The following ZNF395 variants were observed in gnomAD, a reference collection of about 807,000 sequenced individuals.
ZNF395 encodes the protein HD gene regulatory region-binding protein 2.
A neutral mutation model predicts 57.7 loss-of-function variants in ZNF395; 20 were observed. That is an observed-to-expected ratio of 0.35 (90% CI 0.24 to 0.50). The LOEUF is 0.50. Among genes scored for constraint, ZNF395 ranks in the 20% least tolerant of loss-of-function variants. The pLI, the probability that ZNF395 is intolerant of heterozygous loss-of-function variation, is 0.97. For synonymous variants in ZNF395, 295 were observed against 275.9 expected (o/e 1.07, Z -0.69); for missense variants, 606 against 671.2 (o/e 0.90, Z 1.07).
At chr8:28,371,739 G>C (rs570120348) in intron 1 of ZNF395, among the ~76,000 whole-genome samples, 3 of 152,184 alleles carry the variant, frequency 2.0e-5, no homozygotes, top group South Asian at 2.1e-4. Context: ...TGCACAAACA[G>C]TCAGGGCTGC....
intron 1 of ZNF395, among the ~76,000 whole-genome samples, chr8:28,362,234 TC>T (rs1433032906): frequency 2.0e-5 from 3 of 152,128 alleles, no homozygotes; most frequent in Non-Finnish European, 4.4e-5. Context: ...TCGAAGTGGG[TC>T]CCTACCAGGG....
chr8:28,361,119 C>T lies in ZNF395; in HGVS notation c.6G>A (p.Ala2=), dbSNP rs762227243. 5.6e-6 allele frequency: 9 copies of T among 1,611,878 alleles called. No homozygotes were observed. Among genetic ancestry groups the T allele is most frequent in the African/African-American group, 4.0e-5 (3 of 74,930 alleles). ...TTCCAAGGCGTCGGGACAGGACACT[C>T]GCCATGCTGCTGCCTCTCCTCTCCT... The part of the protein sequence containing the change: M[A]SVLSRRLGKR... Residue 2 remains alanine (A), a synonymous_variant, in exon 2 of 10, where the codon GCG becomes GCA. Coordinates refer to ENST00000344423, the MANE Select transcript of ZNF395 (RefSeq NM_018660.3).
intron 1 of ZNF395, among the ~76,000 whole-genome samples, chr8:28,381,059 T>TGTGTC (rs1802103806): frequency 9.9e-6 from 1 of 100,768 alleles, no homozygotes; most frequent in Non-Finnish European, 2.4e-5. Flanking sequence ...GTGTGTGTGT[T>TGTGTC]TTGACGGAGT....
chr8:28,376,628 A>C (rs1314078290), intron 1 of ZNF395, among the ~76,000 whole-genome samples: 3 of 152,010 alleles, frequency 2.0e-5, no homozygotes, highest in African/African-American at 4.8e-5. Context: ...CTCAAAACAA[A>C]AAAAAAAGGC....
chr8:28,372,672 A>C (rs1236789726), intron 1 of ZNF395, among the ~76,000 whole-genome samples: 2 of 152,180 alleles, frequency 1.3e-5, no homozygotes, highest in Non-Finnish European at 2.9e-5. Flanking sequence ...CTGCAGTCCC[A>C]GCTACTCAGG....
chr8:28,351,647 C>T lies in ZNF395; in HGVS notation c.1081G>A (p.Gly361Ser), dbSNP rs1801685124. Reference sequence around the variant, plus strand: ...GGTGGAAGAGCAGACAGAGGCAGGCCAGTCATGCTGGGGGTGGGAGCTGGC... The same window carrying T: ...GGTGGAAGAGCAGACAGAGGCAGGCTAGTCATGCTGGGGGTGGGAGCTGGC... ...SEPAPTPSMT[G>S]LPLSALPPPL... The change falls in exon 7 of 10, where the codon GGC becomes AGC. Residue 361 changes from glycine (G) to serine (S), a missense_variant. Around this residue, in one of 3 missense-constraint regions of ZNF395, gnomAD observed 261 missense variants for 240.3 expected, o/e 1.09. Coordinates refer to ENST00000344423, the MANE Select transcript of ZNF395 (RefSeq NM_018660.3). 1 of 1,613,368 alleles carries T rather than the reference C, an allele frequency of 6.2e-7. No individual in the cohort carries two copies. The highest frequency in any genetic ancestry group is 8.5e-7 in the Non-Finnish European group (1 of 1,179,938).
At position 28,348,050 on chromosome 8, in the gene ZNF395, G is replaced by A. The variant is rs537754565; in HGVS notation, c.*669C>T. 1 of 152,244 alleles carries A rather than the reference G, an allele frequency of 6.6e-6. No homozygotes were observed. Among genetic ancestry groups the A allele is most frequent in the South Asian group, 2.1e-4 (1 of 4,810 alleles). 9.4% of individuals were successfully genotyped at this position (152,244 alleles called of 1,614,324 possible). ...TCTTTTAAAAAACCTCTTTCTCTGG[G>A]CTTTAAGAAGAAGCCATTTAATATT... is the stretch of plus-strand genomic sequence containing the variant. On this transcript the variant is annotated 3_prime_UTR_variant, in exon 10 of 10. Coordinates refer to ENST00000344423, the MANE Select transcript of ZNF395 (RefSeq NM_018660.3).
At chr8:28,349,899 G>A (rs1023983796) in intron 8 of ZNF395, among the ~76,000 whole-genome samples, 165 bp downstream of exon 8, 1 of 152,244 alleles carries the variant, frequency 6.6e-6, no homozygotes, top group African/African-American at 2.4e-5. Flanking sequence ...GTGCCAGGGA[G>A]GGGGCAGCAC....
In ZNF395 at chr8:28,348,784, C is replaced by T. The variant is rs770986859; in HGVS notation, c.1477G>A (p.Glu493Lys). 17 of 1,613,974 alleles carry T rather than the reference C, an allele frequency of 1.1e-5. No individual in the cohort carries two copies. Among genetic ancestry groups the T allele is most frequent in the East Asian group, 2.2e-5 (1 of 44,882 alleles). The change falls in exon 10 of 10, where the codon GAG (glutamate) becomes AAG (lysine). Residue 493 changes from glutamate to lysine, a missense_variant. Physicochemically the swap from Glu to Lys is moderately conservative, Grantham distance 56 (BLOSUM62 1). Transcript: ENST00000344423. Reference protein sequence around the residue: ...AKKCRKVYGIEHRDQWCTACR... With the variant: ...AKKCRKVYGIKHRDQWCTACR... ...GCCGTGCACCACTGGTCCCGGTGCT[C>T]GATGCCATACACCTTGCGGCACTTC...
In ZNF395 at chr8:28,353,201, A is replaced by C. The variant is rs1585852018; in HGVS notation, c.791T>G (p.Leu264Arg). The change falls in exon 5 of 10, where the codon CTG becomes CGG. Residue 264 changes from leucine to arginine, a missense_variant. By Grantham distance (102) the Leu-to-Arg change is moderately radical. Around this residue, in one of 3 missense-constraint regions of ZNF395, gnomAD observed 309 missense variants for 374.7 expected, o/e 0.82. Transcript: ENST00000344423. Reference sequence around the variant, plus strand: ...TCTTTTTCGTGGAGCTGGTTCGTCCAGCAGGAAAGGGTCAGGATCGGTCTC... The same window carrying C: ...TCTTTTTCGTGGAGCTGGTTCGTCCCGCAGGAAAGGGTCAGGATCGGTCTC... ...GFETDPDPFLLDEPAPRKRKN... is the reference protein window; with the variant it reads ...GFETDPDPFLRDEPAPRKRKN... The C allele has an allele frequency of 6.2e-7, 1 of 1,613,234 alleles. No individual in the cohort carries two copies. The highest frequency in any genetic ancestry group is 8.5e-7 in the Non-Finnish European group (1 of 1,179,720).
chr8:28,377,748 CTTTTTT>C (rs71549661), intron 1 of ZNF395, among the ~76,000 whole-genome samples: 62 of 100,636 alleles, frequency 6.2e-4, no homozygotes, highest in African/African-American at 2.7e-3. Context: ...GATGATCCCA[CTTTTTT>C]TTTTTTTTTT....
chr8:28,382,615 G>C (rs529698286), intron 1 of ZNF395, among the ~76,000 whole-genome samples: 56 of 152,100 alleles, frequency 3.7e-4, no homozygotes, highest in Admixed American at 1.4e-3. Context: ...GAACCCCACA[G>C]GTAGTTATTC....
chr8:28,375,185 G>A (rs941827954), intron 1 of ZNF395: 2 of 152,214 alleles, frequency 1.3e-5, no homozygotes, highest in African/African-American at 4.8e-5. Flanking sequence ...CCAGGAGTTT[G>A]AGATCAGACT....
At chr8:28,365,069 G>C (rs9969531) in intron 1 of ZNF395, among the ~76,000 whole-genome samples, 82,090 of 152,162 alleles carry the variant, frequency 0.54, 25,096 homozygotes, top group East Asian at 0.82. Context: ...GGATTAATAG[G>C]ATGGAAGTGG....
rs145515004 is a variant in ZNF395 at position 28,361,151 on chromosome 8, G to A, written c.-27C>T. On this transcript the variant is annotated 5_prime_UTR_variant, in exon 2 of 10. Coordinates refer to ENST00000344423, the MANE Select transcript of ZNF395 (RefSeq NM_018660.3). ...CTGCTGCCTCTCCTCTCCTGCGGAG[G>A]CGAAGGGGACACTGAAGCCTCTGCC... The A allele has an allele frequency of 3.9e-4, 630 of 1,609,156 alleles. 3 individuals are homozygous for A. The African/African-American group carries it at 7.4e-3, about 19-fold the overall frequency.
intron 3 of ZNF395, among the ~76,000 whole-genome samples, chr8:28,357,046 G>A (rs1414655654): frequency 1.3e-5 from 2 of 152,068 alleles, no homozygotes; most frequent in African/African-American, 2.4e-5. Flanking sequence ...AAGCCGCTGG[G>A]TCTCATCCCA....
chr8:28,357,180 T>C (rs956597414), intron 3 of ZNF395, among the ~76,000 whole-genome samples: 1 of 152,180 alleles, frequency 6.6e-6, no homozygotes. Context: ...GGACAAAAGA[T>C]GCCCACTGGA....
At chr8:28,374,826 A>G (rs986981004) in intron 1 of ZNF395, among the ~76,000 whole-genome samples, 4 of 152,240 alleles carry the variant, frequency 2.6e-5, no homozygotes, top group African/African-American at 9.6e-5. Flanking sequence ...CACGTTCCCT[A>G]ATAAGCCAGC....
At chr8:28,376,220 C>T (rs529772151) in intron 1 of ZNF395, among the ~76,000 whole-genome samples, 3 of 152,132 alleles carry the variant, frequency 2.0e-5, no homozygotes, top group Non-Finnish European at 4.4e-5. Context: ...ATCAATCCTC[C>T]CACCTCAGCC....
Sources: allele counts gnomAD v4.1 joint callset (sites outside exome capture counted in the v4.1 genomes callset), GRCh38; gene constraint gnomAD v4.1.1; regional missense constraint gnomAD v4.1.1; transcripts MANE v1.5; gene names NCBI Gene and HGNC (gene_info 2026-07-23, HGNC 2026-07-21).